Variants in TMPRSS7 observed in about 807,000 individuals in gnomAD.
TMPRSS7 encodes the protein transmembrane protease serine 7.
Under a neutral mutation model 95.6 loss-of-function variants are expected in TMPRSS7, and 81 were observed. The ratio of observed to expected loss-of-function variants is 0.85; its 90% CI spans 0.71 to 1.02. TMPRSS7 has a LOEUF of 1.02. Ranked by LOEUF, TMPRSS7 falls within the 50% of genes least tolerant of loss-of-function variation. The pLI is 0.00. For synonymous variants in TMPRSS7, 364 were observed against 337.8 expected (o/e 1.08, Z -0.85); for missense variants, 945 against 955.2 (o/e 0.99, Z 0.14).
chr3:112,051,672 T>TATCTATCTATC (rs1559955964), intron 9 of TMPRSS7, among the ~76,000 whole-genome samples: 43 of 76,868 alleles, frequency 5.6e-4, no homozygotes, highest in East Asian at 1.7e-3. Flanking sequence ...ATCTATCATC[T>TATCTATCTATC]ATCTATCTAT....
At chr3:112,057,803 A>G (rs1205270595) in intron 10 of TMPRSS7, among the ~76,000 whole-genome samples, 2 of 151,890 alleles carry the variant, frequency 1.3e-5, no homozygotes, top group Non-Finnish European at 2.9e-5. Context: ...TTGGCTCACT[A>G]CAACCTCTGC....
At chr3:112,064,351 C>CTTTTT (rs2073549334) in intron 12 of TMPRSS7, among the ~76,000 whole-genome samples, 3 of 149,014 alleles carry the variant, frequency 2.0e-5, no homozygotes, top group South Asian at 4.2e-4. Flanking sequence ...TGTGTGTTTT[C>CTTTTT]TTTTCTTTTT....
chr3:112,054,219 C>A (rs78167809), intron 9 of TMPRSS7, among the ~76,000 whole-genome samples: 2 of 152,142 alleles, frequency 1.3e-5, no homozygotes. Context: ...GATGAAGCCT[C>A]CTGCATCCTA....
chr3:112,079,938 G>T (rs944903088), intron 17 of TMPRSS7, among the ~76,000 whole-genome samples: 3 of 152,112 alleles, frequency 2.0e-5, no homozygotes, highest in Non-Finnish European at 2.9e-5. Context: ...AATGCTAAGG[G>T]TACTCTATTT....
At chr3:112,070,347 A>G (rs138569007) in intron 13 of TMPRSS7, among the ~76,000 whole-genome samples, 4,573 of 152,222 alleles carry the variant, frequency 0.03, 193 homozygotes, top group African/African-American at 0.088. Context: ...TATTAGGTCC[A>G]CTTGGTGCAG....
intron 16 of TMPRSS7, among the ~76,000 whole-genome samples, chr3:112,077,772 G>C (rs755914461): frequency 6.6e-6 from 1 of 152,278 alleles, no homozygotes; most frequent in South Asian, 2.1e-4. Flanking sequence ...CTGTATAGTA[G>C]GGAAGTCCCT....
At chr3:112,075,359 G>C in exon 15 of TMPRSS7, 1 of 1,476,500 alleles carries the variant, frequency 6.8e-7, no homozygotes, top group South Asian at 1.4e-5. Context: ...CCGCATCATC[G>C]GAGGCACAGA....
At chr3:112,076,929 A>G in exon 16 of TMPRSS7, 3 of 1,614,196 alleles carry the variant, frequency 1.9e-6, no homozygotes, top group Non-Finnish European at 2.5e-6. Flanking sequence ...GTTCAGGGGA[A>G]TGCCAAGTTT....
chr3:112,076,832 G>C, intron 15 of TMPRSS7, 44 bp from the exon 16 acceptor site: 1 of 1,591,556 alleles, frequency 6.3e-7, no homozygotes, highest in Non-Finnish European at 8.6e-7. Context: ...ACTGTATGTG[G>C]TTCTTTAAGC....
intron 12 of TMPRSS7, among the ~76,000 whole-genome samples, chr3:112,064,463 G>A (rs1324371286): frequency 6.6e-6 from 1 of 151,792 alleles, no homozygotes; most frequent in Non-Finnish European, 1.5e-5. Context: ...ATCCTCCCAT[G>A]TCAGCCTCCT....
chr3:112,077,422 G>A (rs1018845046), intron 16 of TMPRSS7, among the ~76,000 whole-genome samples: 3 of 152,182 alleles, frequency 2.0e-5, no homozygotes, highest in African/African-American at 7.2e-5. Flanking sequence ...TTCAAACTCT[G>A]AAGGTTATGC....
intron 10 of TMPRSS7, 124 bp from the exon 11 acceptor site, chr3:112,061,663 C>A: frequency 2.9e-6 from 3 of 1,018,710 alleles, no homozygotes; most frequent in African/African-American, 1.6e-5. Context: ...CTACCATTAG[C>A]TCTACCATAC....
chr3:112,064,855 A>G (rs946248398), intron 12 of TMPRSS7, among the ~76,000 whole-genome samples: 1 of 152,174 alleles, frequency 6.6e-6, no homozygotes, highest in Non-Finnish European at 1.5e-5. Context: ...TATGGGAAGG[A>G]CAATTCACTG....
intron 16 of TMPRSS7, among the ~76,000 whole-genome samples, 194 bp downstream of exon 16, chr3:112,077,338 C>T (rs1300474791): frequency 6.6e-6 from 1 of 152,120 alleles, no homozygotes; most frequent in Non-Finnish European, 1.5e-5. Flanking sequence ...TTAAAAGAAG[C>T]AGGGCTCACC....
Position 112,046,960 on chromosome 3 carries a change from C to T in TMPRSS7, c.692-14C>T, listed in dbSNP as rs1189115776. 2 of 702,228 alleles carry T rather than the reference C, an allele frequency of 2.8e-6. No individual in the cohort carries two copies. The highest frequency in any genetic ancestry group is 1.7e-5 in the African/African-American group (1 of 57,214). The allele number at this position is 702,228 out of a possible 1,614,324, so 43.5% of individuals were successfully genotyped here. On this transcript the variant is annotated splice_polypyrimidine_tract_variant and intron_variant, in intron 5 of 17. Transcript: ENST00000452346. ...ATAGGATTCAATCTCTTCTCATGTG[C>T]TTTTTCAATGCAGCTGGGCTTCGGT...
intron 16 of TMPRSS7, 84 bp downstream of exon 16, chr3:112,077,228 G>C (rs908711108): frequency 2.0e-5 from 29 of 1,481,450 alleles, no homozygotes; most frequent in Non-Finnish European, 2.6e-5. Flanking sequence ...TCACAGAGAG[G>C]GTTTGTGTAT....
chr3:112,041,944 T>G lies in TMPRSS7; in HGVS notation c.323T>G (p.Phe108Cys), dbSNP rs1255331416. Residue 108 changes from phenylalanine to cysteine, a missense_variant, in exon 3 of 18, where the codon TTT becomes TGT. By Grantham distance (205) the Phe-to-Cys change is radical (BLOSUM62 -2). Coordinates refer to ENST00000452346, the Ensembl canonical transcript of TMPRSS7. ...GGTAAAACAGAAAGCAAAGATGCTT[T>G]TTACTTTGCTGGGATGTTTCGCATC... 6 of 1,550,714 alleles carry G rather than the reference T, an allele frequency of 3.9e-6. No homozygotes were observed. In the South Asian group the frequency reaches 5.9e-5, roughly 15 times the overall value.
chr3:112,068,081 A>T (rs1465903247), intron 13 of TMPRSS7, among the ~76,000 whole-genome samples: 1 of 152,192 alleles, frequency 6.6e-6, no homozygotes, highest in African/African-American at 2.4e-5. Context: ...TTAAATAGGG[A>T]ATCCTTTCTC....
chr3:112,036,734 G>T (rs568497554), intron 1 of TMPRSS7, among the ~76,000 whole-genome samples: 1 of 152,300 alleles, frequency 6.6e-6, no homozygotes, highest in South Asian at 2.1e-4. Context: ...GTTGAGGAAA[G>T]AACCTAGAAA....
Sources: gnomAD v4.1 joint callset for allele counts (sites outside exome capture counted in the v4.1 genomes callset) on GRCh38, gnomAD v4.1.1 for gene constraint, MANE v1.5 for transcripts, NCBI Gene and HGNC (gene_info 2026-07-23, HGNC 2026-07-21) for gene names.